GRID2: variants seen among roughly 807,000 people sequenced by gnomAD.
GRID2 encodes the protein glutamate ionotropic receptor delta type subunit 2.
GRID2 carries 33 observed loss-of-function variants against 114.8 expected under a neutral mutation model. The observed-to-expected ratio is 0.29, with a 90% CI of 0.22 to 0.38. The LOEUF is 0.38. Among genes scored for constraint, GRID2 ranks in the 10% least tolerant of loss-of-function variants. GRID2 has a pLI of 1.00. For missense variants in GRID2, 1,184 were observed against 1,257.7 expected (o/e 0.94, Z 0.89); for synonymous variants, 505 against 449.9 (o/e 1.12, Z -1.55).
chr4:92,869,719 A>G (rs1254051337), intron 2 of GRID2, among the ~76,000 whole-genome samples: 1 of 152,126 alleles, frequency 6.6e-6, no homozygotes, highest in East Asian at 1.9e-4. Context: ...TTCCTTGATC[A>G]TGCCAATCTC....
chr4:93,708,399 C>A (rs770183133), intron 14 of GRID2, among the ~76,000 whole-genome samples: 2 of 151,858 alleles, frequency 1.3e-5, no homozygotes, highest in Non-Finnish European at 2.9e-5. Flanking sequence ...ACTGAATTAA[C>A]CCCTTTATCA....
At chr4:92,384,128 T>C (rs1053823370) in intron 1 of GRID2, among the ~76,000 whole-genome samples, 6 of 151,238 alleles carry the variant, frequency 4.0e-5, no homozygotes, top group African/African-American at 1.5e-4. Flanking sequence ...TGTGTGTATA[T>C]GTGTGTGTAT....
rs576928925 is a variant in GRID2, at chr4:92,869,435, G to A, written c.245-215560G>A. On this transcript the variant is annotated intron_variant, in intron 2 of 15. Transcript: ENST00000282020. Reference sequence around the variant, plus strand: ...TATAATGAGCTGATCGAAGTTTTCTGTCAAAAATAACCAAAGCAACTGGTA... The same window carrying A: ...TATAATGAGCTGATCGAAGTTTTCTATCAAAAATAACCAAAGCAACTGGTA... 6.9e-4 allele frequency among the ~76,000 whole-genome samples: 105 copies of A among 152,282 alleles called. No homozygotes were observed. The South Asian group carries it at 0.021, about 31-fold the overall frequency.
intron 2 of GRID2, among the ~76,000 whole-genome samples, chr4:92,960,524 T>C (rs1752730096): frequency 6.6e-6 from 1 of 152,040 alleles, no homozygotes; most frequent in Non-Finnish European, 1.5e-5. Flanking sequence ...CCTCCTTATC[T>C]CTGATACTAT....
At chr4:93,622,840 C>A (rs1428975599) in intron 13 of GRID2, among the ~76,000 whole-genome samples, 1 of 152,106 alleles carries the variant, frequency 6.6e-6, no homozygotes, top group South Asian at 2.1e-4. Flanking sequence ...TTAAATATTT[C>A]TTCTATATTT....
At chr4:93,165,842 C>A (rs774014833) in intron 4 of GRID2, among the ~76,000 whole-genome samples, 2 of 151,946 alleles carry the variant, frequency 1.3e-5, no homozygotes, top group East Asian at 1.9e-4. Context: ...CTATTAGAAC[C>A]ACAAATAGGG....
chr4:93,496,120 TAAA>T (rs34078987), intron 12 of GRID2, among the ~76,000 whole-genome samples: 3 of 141,732 alleles, frequency 2.1e-5, no homozygotes, highest in Admixed American at 1.4e-4. Context: ...TTCCTGATTG[TAAA>T]AAAAAAAAAA....
chr4:92,351,299 T>A (rs1336488311), intron 1 of GRID2, among the ~76,000 whole-genome samples: 5 of 151,872 alleles, frequency 3.3e-5, no homozygotes, highest in Admixed American at 3.3e-4. Flanking sequence ...ACAAGCAATG[T>A]ATGAATGCTT....
At chr4:92,568,084 T>C (rs140224059) in intron 1 of GRID2, among the ~76,000 whole-genome samples, 106 of 152,080 alleles carry the variant, frequency 7.0e-4, no homozygotes, top group African/African-American at 2.4e-3. Context: ...CACTAAGAAG[T>C]TGAGCAAGAC....
intron 2 of GRID2, among the ~76,000 whole-genome samples, chr4:92,920,210 CT>C (rs1749193337): frequency 6.6e-6 from 1 of 152,060 alleles, no homozygotes; most frequent in Admixed American, 6.6e-5. Flanking sequence ...GTAGATCTTC[CT>C]CCATCCCTTT....
intron 1 of GRID2, among the ~76,000 whole-genome samples, chr4:92,410,229 A>G (rs959577607): frequency 1.3e-5 from 2 of 152,172 alleles, no homozygotes; most frequent in Admixed American, 6.5e-5. Context: ...CTGAACTTCT[A>G]TATGGGCACA....
At chr4:92,856,290 C>T (rs958106969) in intron 2 of GRID2, among the ~76,000 whole-genome samples, 1 of 152,020 alleles carries the variant, frequency 6.6e-6, no homozygotes, top group African/African-American at 2.4e-5. Flanking sequence ...TTTCTATACC[C>T]ACTATCTAAT....
chr4:93,113,543 G>C (rs1212233855), intron 4 of GRID2, among the ~76,000 whole-genome samples: 4 of 152,184 alleles, frequency 2.6e-5, no homozygotes, highest in Admixed American at 1.3e-4. Context: ...TGGTTTTCCA[G>C]TTCATCGTAG....
At chr4:92,636,192 A>T (rs1731057522) in intron 2 of GRID2, among the ~76,000 whole-genome samples, 1 of 151,944 alleles carries the variant, frequency 6.6e-6, no homozygotes, top group Admixed American at 6.6e-5. Context: ...TATTTCGTTG[A>T]AGATTATTAA....
At chr4:92,981,982 A>G (rs1305395070) in intron 2 of GRID2, among the ~76,000 whole-genome samples, 1 of 148,036 alleles carries the variant, frequency 6.8e-6, no homozygotes, top group Non-Finnish European at 1.5e-5. Context: ...AGTTTATTTC[A>G]GTTTTTACAG....
intron 2 of GRID2, among the ~76,000 whole-genome samples, chr4:92,731,944 C>G (rs1009923466): frequency 6.6e-6 from 1 of 151,754 alleles, no homozygotes; most frequent in Non-Finnish European, 1.5e-5. Flanking sequence ...TTTTAAATTA[C>G]CTATAATTTT....
chr4:93,056,916 C>T (rs1280175367), intron 2 of GRID2, among the ~76,000 whole-genome samples: 1 of 151,916 alleles, frequency 6.6e-6, no homozygotes, highest in African/African-American at 2.4e-5. Context: ...AGATTAAACA[C>T]AAGTATCTGC....
At chr4:92,505,990 A>G (rs1353828997) in intron 1 of GRID2, among the ~76,000 whole-genome samples, 1 of 152,026 alleles carries the variant, frequency 6.6e-6, no homozygotes, top group Non-Finnish European at 1.5e-5. Flanking sequence ...GAAAGTAGGT[A>G]TAGATTAAGA....
chr4:92,427,165 C>T (rs147247584), intron 1 of GRID2, among the ~76,000 whole-genome samples: 257 of 152,236 alleles, frequency 1.7e-3, no homozygotes, highest in Non-Finnish European at 3.3e-3. Flanking sequence ...AAGGATGCTC[C>T]AAATAATACA....
Sources: allele counts gnomAD v4.1 joint callset (sites outside exome capture counted in the v4.1 genomes callset), GRCh38; gene constraint gnomAD v4.1.1; transcripts MANE v1.5; gene names NCBI Gene and HGNC (gene_info 2026-07-23, HGNC 2026-07-21).